Variants in DPY19L4 observed in about 807,000 individuals in gnomAD.
DPY19L4 encodes the protein dpy-19 like 4, also known as probable C-mannosyltransferase DPY19L4.
DPY19L4 carries 97 observed loss-of-function variants against 102.8 expected under a neutral mutation model. The observed-to-expected ratio is 0.94, with a 90% CI of 0.80 to 1.12. DPY19L4 has a LOEUF of 1.12. Ranked by LOEUF, DPY19L4 falls within the 50% of genes most tolerant of loss-of-function variation. The pLI, the probability that DPY19L4 is intolerant of heterozygous loss-of-function variation, is 0.00. For missense variants in DPY19L4, 815 were observed against 850.4 expected (o/e 0.96, Z 0.52); for synonymous variants, 252 against 283.1 (o/e 0.89, Z 1.10).
At chr8:94,730,125 A>G (rs1027394909) in intron 2 of DPY19L4, among the ~76,000 whole-genome samples, 1 of 150,518 alleles carries the variant, frequency 6.6e-6, no homozygotes, top group African/African-American at 2.4e-5. Flanking sequence ...TCAACATATC[A>G]TTGGCTTTTT....
intron 3 of DPY19L4, among the ~76,000 whole-genome samples, chr8:94,738,056 C>T (rs1054128185): frequency 4.0e-5 from 6 of 151,526 alleles, no homozygotes; most frequent in Admixed American, 1.3e-4. Context: ...TGGTGGCTTA[C>T]GCCTGTAATC....
intron 15 of DPY19L4, 142 bp from the exon 16 acceptor site, chr8:94,780,942 T>G: frequency 1.7e-6 from 1 of 598,990 alleles, no homozygotes; most frequent in Non-Finnish European, 2.8e-6. Flanking sequence ...ATCATGACAT[T>G]TTTTCCATGC....
chr8:94,740,505 A>G (rs549503953), intron 6 of DPY19L4, among the ~76,000 whole-genome samples: 1 of 152,196 alleles, frequency 6.6e-6, no homozygotes, highest in East Asian at 1.9e-4. Context: ...CCTAGGCTGG[A>G]GTGCAGTGGT....
At chr8:94,724,942 G>A (rs1226101520) in intron 1 of DPY19L4, among the ~76,000 whole-genome samples, 1 of 152,014 alleles carries the variant, frequency 6.6e-6, no homozygotes, top group Non-Finnish European at 1.5e-5. Flanking sequence ...CATGACTACA[G>A]AATAAATGGT....
chr8:94,738,516 CTTTT>C, intron 4 of DPY19L4, 57 bp downstream of exon 4: 97 of 779,156 alleles, frequency 1.2e-4, no homozygotes, highest in East Asian at 2.9e-4. Context: ...CTTTTCTTTT[CTTTT>C]TTTTTTTTTT....
rs956518806 is a variant in DPY19L4 at position 94,791,769 on chromosome 8, T to C, written c.*1859T>C. 6.6e-6 allele frequency: 1 copy of C among 152,308 alleles called. No individual in the cohort carries two copies. The highest frequency in any genetic ancestry group is 2.1e-4 in the South Asian group (1 of 4,826). 9.4% of individuals were successfully genotyped at this position (152,308 alleles called of 1,614,324 possible). A position where few individuals can be genotyped will look rare whatever the true frequency, so the allele number is the denominator to read the frequency against. ...ATTAGGTTTGGTACTTGTGTTTTGTTTGACATATTAGTAAGTTGCTTTTGC... is the reference window on the plus strand; with the variant it reads ...ATTAGGTTTGGTACTTGTGTTTTGTCTGACATATTAGTAAGTTGCTTTTGC... On this transcript the variant is annotated 3_prime_UTR_variant, in exon 19 of 19. Transcript: ENST00000414645.
At position 94,751,484 on chromosome 8, in the gene DPY19L4, CTTAT is replaced by C. The variant is rs561967857; in HGVS notation, c.612-4533_612-4530del. Among the ~76,000 whole-genome samples the C allele has an allele frequency of 5.3e-5, 8 of 149,984 alleles. No homozygotes were observed. The South Asian group carries it at 1.1e-3, about 20-fold the overall frequency. On this transcript the variant is annotated intron_variant, in intron 6 of 18. Coordinates refer to ENST00000414645, the MANE Select transcript of DPY19L4 (RefSeq NM_181787.3). ...TTCCCAGGAAACCTGTGTCTGGTTT[CTTAT>C]TTATTTATTTATTTATTTTTTGAGA...
chr8:94,741,118 A>G (rs890636928), intron 6 of DPY19L4, among the ~76,000 whole-genome samples: 3 of 152,206 alleles, frequency 2.0e-5, no homozygotes, highest in Non-Finnish European at 4.4e-5. Context: ...GTTGAAATAT[A>G]TGGTAGATTA....
At chr8:94,766,375 C>CA (rs1268254620) in intron 10 of DPY19L4, among the ~76,000 whole-genome samples, 18 of 150,032 alleles carry the variant, frequency 1.2e-4, no homozygotes, top group Admixed American at 2.6e-4. Context: ...AACTCTGTCT[C>CA]AAAAAAAAAG....
intron 13 of DPY19L4, among the ~76,000 whole-genome samples, chr8:94,773,582 C>CA (rs1471686846): frequency 6.6e-6 from 1 of 151,946 alleles, no homozygotes; most frequent in African/African-American, 2.4e-5. Flanking sequence ...AGGCATGCGC[C>CA]ACCACGCCCG....
At chr8:94,731,276 T>C (rs1810941997) in intron 2 of DPY19L4, among the ~76,000 whole-genome samples, 1 of 152,200 alleles carries the variant, frequency 6.6e-6, no homozygotes. Flanking sequence ...ATAGTTCATA[T>C]TGTCTCAACA....
At chr8:94,770,892 A>C (rs1159237000) in intron 13 of DPY19L4, among the ~76,000 whole-genome samples, 1 of 151,726 alleles carries the variant, frequency 6.6e-6, no homozygotes, top group East Asian at 1.9e-4. Flanking sequence ...CCCGTCAAAA[A>C]AAAAAGTCAG....
Position 94,734,491 on chromosome 8 carries a change from T to G in DPY19L4, c.128-139T>G. Reference sequence around the variant, plus strand: ...TTTATAGGATGCCCCTCTGTTGGAATTTATCTGATGCTTTTCTCACAATTA... The same window carrying G: ...TTTATAGGATGCCCCTCTGTTGGAAGTTATCTGATGCTTTTCTCACAATTA... On this transcript the variant is annotated intron_variant, in intron 2 of 18. Coordinates refer to ENST00000414645, the MANE Select transcript of DPY19L4 (RefSeq NM_181787.3). The G allele has an allele frequency of 8.3e-6, 7 of 844,028 alleles. No individual in the cohort carries two copies. The South Asian group carries it at 1.3e-4, about 16-fold the overall frequency. The allele number at this position is 844,028 out of a possible 1,614,324, so 52.3% of individuals were successfully genotyped here.
At chr8:94,722,619 A>T (rs1810516362) in intron 1 of DPY19L4, among the ~76,000 whole-genome samples, 1 of 152,192 alleles carries the variant, frequency 6.6e-6, no homozygotes, top group African/African-American at 2.4e-5. Flanking sequence ...GTAAATTTTC[A>T]TTTATTATAA....
At chr8:94,777,528 A>G in intron 13 of DPY19L4, 138 bp from the exon 14 acceptor site, 1 of 1,067,876 alleles carries the variant, frequency 9.4e-7, no homozygotes, top group Non-Finnish European at 1.3e-6. Context: ...GTTGCTGAAA[A>G]TTAGAGTCTA....
At chr8:94,728,755 C>G (rs1341352421) in intron 2 of DPY19L4, among the ~76,000 whole-genome samples, 2 of 152,058 alleles carry the variant, frequency 1.3e-5, no homozygotes, top group African/African-American at 2.4e-5. Context: ...TACTAGAGTG[C>G]CTTTGTTATT....
chr8:94,765,448 G>T lies in DPY19L4; in HGVS notation c.1002+134G>T, dbSNP rs7815755. 1.1e-3 allele frequency: 882 copies of T among 832,338 alleles called. 4 individuals are homozygous for T. In the African/African-American group the frequency reaches 0.013, roughly 13 times the overall value. The allele number at this position is 832,338 out of a possible 1,614,324, so 51.6% of individuals were successfully genotyped here. On this transcript the variant is annotated intron_variant, in intron 9 of 18. Transcript: ENST00000414645. ...CCTCCCGGGTTCAAGTGATTCTCCTGCCTCAGCCTCCCAAGTAGCTGGGAT... is the reference window on the plus strand; with the variant it reads ...CCTCCCGGGTTCAAGTGATTCTCCTTCCTCAGCCTCCCAAGTAGCTGGGAT...
chr8:94,756,197 C>T, intron 7 of DPY19L4, 38 bp downstream of exon 7: 1 of 1,594,784 alleles, frequency 6.3e-7, no homozygotes, highest in Non-Finnish European at 8.5e-7. Flanking sequence ...GCAGCTAATT[C>T]TGATGTATTG....
rs1475042931 is a variant in DPY19L4, at chr8:94,765,645, A to G, written c.1003-66A>G. On this transcript the variant is annotated intron_variant, in intron 9 of 18. Coordinates refer to ENST00000414645, the MANE Select transcript of DPY19L4 (RefSeq NM_181787.3). ...GCCACTGTGCTCGGCCATTCTTATG[A>G]TTACTTTTTAAATTGTTAATTTTTT... 2.4e-6 allele frequency: 3 copies of G among 1,231,332 alleles called. No individual in the cohort carries two copies. In the Admixed American group the frequency reaches 5.7e-5, roughly 23 times the overall value. 76.3% of individuals were successfully genotyped at this position (1,231,332 alleles called of 1,614,324 possible). A position where few individuals can be genotyped will look rare whatever the true frequency, so the allele number is the denominator to read the frequency against.
Sources: allele counts gnomAD v4.1 joint callset (sites outside exome capture counted in the v4.1 genomes callset), GRCh38; gene constraint gnomAD v4.1.1; transcripts MANE v1.5; gene names NCBI Gene and HGNC (gene_info 2026-07-23, HGNC 2026-07-21).